TEDC2: variants seen among roughly 807,000 people sequenced by gnomAD.
TEDC2 encodes the protein tubulin epsilon and delta complex protein 2.
A neutral mutation model predicts 48.1 loss-of-function variants in TEDC2; 49 were observed. The observed-to-expected ratio is 1.02, with a 90% CI of 0.81 to 1.29. The LOEUF (loss-of-function observed/expected upper bound fraction) is 1.29. TEDC2 is among the 50% of genes most tolerant of loss of function. TEDC2 has a pLI of 0.00. For missense variants in TEDC2, 631 were observed against 571.4 expected (o/e 1.10, Z -1.06); for synonymous variants, 299 against 247.1 (o/e 1.21, Z -1.97).
intron 7 of TEDC2, 22 bp from the exon 8 acceptor site, chr16:2,462,609 G>T (rs963635502): frequency 2.0e-6 from 3 of 1,538,246 alleles, no homozygotes; most frequent in Non-Finnish European, 2.6e-6. Flanking sequence ...GGCCCCACCT[G>T]CTCTCCCTGA....
chr16:2,460,666 G>C lies in TEDC2; in HGVS notation c.169G>C (p.Glu57Gln), dbSNP rs956230296. ...TRALKPPPGP[E>Q]TNGEDPLPAC... ...GGCTTTGAAGCCACCTCCAGGGCCA[G>C]AAACTAATGGAGAGGACCCCCTTCC... Residue 57 changes from glutamate to glutamine, a missense_variant, in exon 3 of 10, where the codon GAA becomes CAA. Coordinates refer to ENST00000361837, the MANE Select transcript of TEDC2 (RefSeq NM_025108.3). 7 of 1,613,070 alleles carry C rather than the reference G, an allele frequency of 4.3e-6. No individual in the cohort carries two copies. Among genetic ancestry groups the C allele is most frequent in the Non-Finnish European group, 5.9e-6 (7 of 1,180,012 alleles).
In TEDC2 at chr16:2,464,820, G is replaced by A. The variant is rs766519317; in HGVS notation, c.*152G>A. On this transcript the variant is annotated 3_prime_UTR_variant, in exon 10 of 10. Coordinates refer to ENST00000361837, the MANE Select transcript of TEDC2 (RefSeq NM_025108.3). Reference sequence around the variant, plus strand: ...CACTGGCTCTTCTCAGGACAACTAAGCCTGCTGGTCAGGGCTGGCTTTCAG... The same window carrying A: ...CACTGGCTCTTCTCAGGACAACTAAACCTGCTGGTCAGGGCTGGCTTTCAG... 16 of 1,110,006 alleles carry A rather than the reference G, an allele frequency of 1.4e-5. No individual in the cohort carries two copies. Among genetic ancestry groups the A allele is most frequent in the Non-Finnish European group, 2.0e-5 (16 of 784,272 alleles). The allele number at this position is 1,110,006 out of a possible 1,614,324, so 68.8% of individuals were successfully genotyped here.
chr16:2,464,728 C>T lies in TEDC2; in HGVS notation c.*60C>T, dbSNP rs1205116755. ...GGGATTGGGGGTGTCTTCCCTGGCA[C>T]TGTGCTCGGGGACCCAGAGATGCCT... On this transcript the variant is annotated 3_prime_UTR_variant, in exon 10 of 10. Transcript: ENST00000361837. The T allele has an allele frequency of 1.3e-6, 2 of 1,599,896 alleles. No individual in the cohort carries two copies. The highest frequency in any genetic ancestry group is 3.4e-5 in the Admixed American group (2 of 58,842).
chr16:2,462,316 G>T, intron 6 of TEDC2, 77 bp downstream of exon 6: 1 of 1,603,194 alleles, frequency 6.2e-7, no homozygotes. Flanking sequence ...AGCCCCAGGA[G>T]GGGCTGGCGT....
chr16:2,461,327 C>G lies in TEDC2; in HGVS notation c.605+103C>G, dbSNP rs138840524. 2.2e-6 allele frequency: 3 copies of G among 1,357,132 alleles called. No individual in the cohort carries two copies. The African/African-American group carries it at 4.4e-5, about 20-fold the overall frequency. 84.1% of individuals were successfully genotyped at this position (1,357,132 alleles called of 1,614,324 possible). On this transcript the variant is annotated intron_variant, in intron 4 of 9. Coordinates refer to ENST00000361837, the MANE Select transcript of TEDC2 (RefSeq NM_025108.3). ...TGGGGTGACAGGGAAGGCAGGGCAT[C>G]GAGCCCTGTGGCATACCCCTGAGGC...
chr16:2,460,513 C>A, intron 2 of TEDC2, 110 bp from the exon 3 acceptor site: 1 of 1,524,000 alleles, frequency 6.6e-7, no homozygotes, highest in Non-Finnish European at 8.9e-7. Flanking sequence ...ACCCTCCTTA[C>A]CCTGCAGGCT....
At position 2,462,533 on chromosome 16, in the gene TEDC2, G is replaced by A. The variant is rs1218249682; in HGVS notation, c.862+7G>A. The A allele has an allele frequency of 6.3e-7, 1 of 1,588,462 alleles. No individual in the cohort carries two copies. The highest frequency in any genetic ancestry group is 8.6e-7 in the Non-Finnish European group (1 of 1,167,856). On this transcript the variant is annotated splice_region_variant and intron_variant, in intron 7 of 9. Transcript: ENST00000361837. Reference sequence around the variant, plus strand: ...AGGGAGGAGCTCTCGGCAGGTCAGTGGGTCCTGGGTCTGTATCAGGAGGAG... The same window carrying A: ...AGGGAGGAGCTCTCGGCAGGTCAGTAGGTCCTGGGTCTGTATCAGGAGGAG...
In TEDC2 at chr16:2,462,423, G is replaced by A. The variant is rs2141838955; in HGVS notation, c.759G>A (p.Gly253=). ...TCCTGACCCATATCCAGTCAGGCGGGCCCCAGCCCAGGCTCAGTGCTGTGG... is the reference window on the plus strand; with the variant it reads ...TCCTGACCCATATCCAGTCAGGCGGACCCCAGCCCAGGCTCAGTGCTGTGG... ...FLQNMQTASG[G]PQPRLSAVEV... The change falls in exon 7 of 10, where the codon GGG becomes GGA. Residue 253 remains glycine (G), a synonymous_variant. Coordinates refer to ENST00000361837, the MANE Select transcript of TEDC2 (RefSeq NM_025108.3). The A allele has an allele frequency of 6.2e-7, 1 of 1,612,110 alleles. No homozygotes were observed. Among genetic ancestry groups the A allele is most frequent in the Non-Finnish European group, 8.5e-7 (1 of 1,179,826 alleles).
At position 2,464,124 on chromosome 16, in the gene TEDC2, A is replaced by G; in HGVS notation, c.1050A>G (p.Ala350=). 1.2e-6 allele frequency: 2 copies of G among 1,612,776 alleles called. No homozygotes were observed. Among genetic ancestry groups the G allele is most frequent in the Non-Finnish European group, 1.7e-6 (2 of 1,179,932 alleles). ...SPSCGGRAEP[A]WSPQLLVYSS... ...CCTGTGGGGGTAGAGCGGAGCCTGC[A>G]TGGAGCCCCCAGCTGCTTGTCTACT... The change falls in exon 9 of 10, where the codon GCA becomes GCG. Residue 350 remains alanine, a synonymous_variant. Transcript: ENST00000361837.
chr16:2,463,338 C>T (rs576786252), intron 8 of TEDC2, among the ~76,000 whole-genome samples: 7 of 139,130 alleles, frequency 5.0e-5, no homozygotes, highest in African/African-American at 1.9e-4. Flanking sequence ...GAAAAAGTAG[C>T]GTGTGAGGCC....
rs1280615565 is a variant in TEDC2 at position 2,460,404 on chromosome 16, G to A, written c.125+23G>A. On this transcript the variant is annotated intron_variant, in intron 2 of 9. Transcript: ENST00000361837. ...CTGGTACGCGGACCCCGGACCCACTGGCCAGACCTCCCTCGGGCCCTCAGA... is the reference window on the plus strand; with the variant it reads ...CTGGTACGCGGACCCCGGACCCACTAGCCAGACCTCCCTCGGGCCCTCAGA... The A allele has an allele frequency of 3.2e-6, 5 of 1,544,254 alleles. No homozygotes were observed. The East Asian group carries it at 7.4e-5, about 23-fold the overall frequency.
intron 2 of TEDC2, 74 bp from the exon 3 acceptor site, chr16:2,460,549 C>T: frequency 6.3e-7 from 1 of 1,577,584 alleles, no homozygotes; most frequent in Non-Finnish European, 8.6e-7. Context: ...GCCGCGGGGC[C>T]CGGCGGCCCC....
chr16:2,461,430 G>A (rs997876674), intron 4 of TEDC2: 6 of 704,590 alleles, frequency 8.5e-6, no homozygotes, highest in Non-Finnish European at 1.1e-5. Context: ...GGAAGTACTG[G>A]AGCCTGTCCT....
At chr16:2,464,291 A>G (rs976068073) in intron 9 of TEDC2, 62 bp downstream of exon 9, 6 of 1,555,600 alleles carry the variant, frequency 3.9e-6, no homozygotes, top group Admixed American at 1.9e-5. Flanking sequence ...ACCCGAGGGT[A>G]GGGGCTTGAC....
rs780839176 is a variant in TEDC2 at position 2,461,749 on chromosome 16, A to G, written c.608A>G (p.His203Arg). ...CTGAACACGGGCTTCTCCGACAGGC[A>G]CCTGCTGCGGCTGCCTGCGGCATTC... Reference protein sequence around the residue: ...PEAFTLKEKGHLLRLPAAFRK... With the variant: ...PEAFTLKEKGRLLRLPAAFRK... Residue 203 changes from histidine to arginine, a missense_variant and splice_region_variant, in exon 5 of 10, where the codon CAC (histidine) becomes CGC (arginine). Physicochemically the swap from His to Arg is conservative, Grantham distance 29. Coordinates refer to ENST00000361837, the MANE Select transcript of TEDC2 (RefSeq NM_025108.3). The G allele has an allele frequency of 5.6e-6, 9 of 1,613,116 alleles. No homozygotes were observed. The highest frequency in any genetic ancestry group is 6.8e-6 in the Non-Finnish European group (8 of 1,179,988).
At position 2,464,528 on chromosome 16, in the gene TEDC2, A is replaced by G; in HGVS notation, c.1162A>G (p.Met388Val). The G allele has an allele frequency of 6.4e-7, 1 of 1,568,672 alleles. No individual in the cohort carries two copies. The highest frequency in any genetic ancestry group is 8.6e-7 in the Non-Finnish European group (1 of 1,164,792). Residue 388 changes from methionine to valine, a missense_variant, in exon 10 of 10, where the codon ATG becomes GTG. Coordinates refer to ENST00000361837, the MANE Select transcript of TEDC2 (RefSeq NM_025108.3). ...DQQIHLEKVLMAELLPLVSAA... is the reference protein window; with the variant it reads ...DQQIHLEKVLVAELLPLVSAA... ...TGCCCTGCCCTGCCCCCAGGTCCTG[A>G]TGGCTGAACTCCTCCCCCTGGTAAG...
At chr16:2,463,952 G>A (rs775186499) in intron 8 of TEDC2, 87 bp from the exon 9 acceptor site, 34 of 1,395,720 alleles carry the variant, frequency 2.4e-5, no homozygotes, top group Admixed American at 4.2e-5. Context: ...GGCAGGTGGT[G>A]CAGATGCGGG....
intron 8 of TEDC2, among the ~76,000 whole-genome samples, chr16:2,462,934 TCTC>T (rs1325203872): frequency 1.3e-5 from 2 of 152,262 alleles, no homozygotes; most frequent in South Asian, 2.1e-4. Flanking sequence ...TCAGCCTTCC[TCTC>T]CTCCTCAGGG....
At chr16:2,463,687 T>TGGGATTGC (rs2065481693) in intron 8 of TEDC2, among the ~76,000 whole-genome samples, 1 of 152,002 alleles carries the variant, frequency 6.6e-6, no homozygotes, top group Non-Finnish European at 1.5e-5. Context: ...GTGACTCGCC[T>TGGGATTGC]GGGATTGCGT....
Sources: gnomAD v4.1 joint callset for allele counts (sites outside exome capture counted in the v4.1 genomes callset) on GRCh38, gnomAD v4.1.1 for gene constraint, MANE v1.5 for transcripts, NCBI Gene and HGNC (gene_info 2026-07-23, HGNC 2026-07-21) for gene names.